Variants in MMS22L observed in about 807,000 individuals in gnomAD.
MMS22L encodes the protein MMS22 like, DNA repair protein.
A neutral mutation model predicts 159.1 loss-of-function variants in MMS22L; 74 were observed. The observed-to-expected ratio is 0.47, with a 90% CI of 0.39 to 0.56. The LOEUF (loss-of-function observed/expected upper bound fraction) is 0.56, where lower values mean the gene tolerates loss of function less well. MMS22L is among the 20% of genes least tolerant of loss of function. MMS22L has a pLI of 0.00. For missense variants in MMS22L, 1,351 were observed against 1,422.1 expected (o/e 0.95, Z 0.80); for synonymous variants, 517 against 506.9 (o/e 1.02, Z -0.27).
At chr6:97,147,906 A>G (rs1449172374) in intron 24 of MMS22L, among the ~76,000 whole-genome samples, 2 of 151,950 alleles carry the variant, frequency 1.3e-5, no homozygotes, top group Non-Finnish European at 2.9e-5. Context: ...TTCAAGAAAG[A>G]TCTCATATAT....
Position 97,267,973 on chromosome 6 carries a change from T to C in MMS22L, c.727A>G (p.Asn243Asp). The change falls in exon 8 of 25, where the codon AAT becomes GAT. Residue 243 changes from asparagine to aspartate, a missense_variant. By Grantham distance (23) the Asn-to-Asp change is conservative. Coordinates refer to ENST00000683635, the MANE Select transcript of MMS22L (RefSeq NM_001350599.2). ...KQVVYGHQFM[N>D]LASDNLTNIS... ...TTGGTTAAATTGTCACTTGCCAGAT[T>C]CATAAACTGATGACCATATACAACT... 6.3e-7 allele frequency: 1 copy of C among 1,598,998 alleles called. No individual in the cohort carries two copies. The highest frequency in any genetic ancestry group is 8.5e-7 in the Non-Finnish European group (1 of 1,173,556).
intron 13 of MMS22L, 79 bp downstream of exon 13, chr6:97,231,347 G>A: frequency 1.9e-6 from 2 of 1,044,972 alleles, no homozygotes; most frequent in South Asian, 2.8e-5. Flanking sequence ...CTAATCCCAA[G>A]TAAACATAAC....
rs150350822 is a variant in MMS22L, at chr6:97,196,665, A to T, written c.2040-9975T>A. 5.9e-5 allele frequency among the ~76,000 whole-genome samples: 9 copies of T among 152,278 alleles called. No individual in the cohort carries two copies. In the East Asian group the frequency reaches 1.7e-3, roughly 29 times the overall value. ...TATTCCTCATGGTTTGTTCCCAGAT[A>T]ATCTAATGCTTATTAAGGATTGCCT... On this transcript the variant is annotated intron_variant, in intron 14 of 24. Coordinates refer to ENST00000683635, the MANE Select transcript of MMS22L (RefSeq NM_001350599.2).
intron 16 of MMS22L, among the ~76,000 whole-genome samples, chr6:97,180,858 A>C (rs1804636624): frequency 6.6e-6 from 1 of 152,212 alleles, no homozygotes; most frequent in Admixed American, 6.5e-5. Context: ...ACTTAATGAT[A>C]CTGCTTATTG....
At chr6:97,282,175 T>G in intron 2 of MMS22L, 139 bp downstream of exon 2, 1 of 807,812 alleles carries the variant, frequency 1.2e-6, no homozygotes, top group Non-Finnish European at 1.9e-6. Context: ...TGATAATCAT[T>G]TGTACCCTTA....
intron 19 of MMS22L, among the ~76,000 whole-genome samples, chr6:97,170,497 A>G (rs1228425593): frequency 6.6e-6 from 1 of 151,730 alleles, no homozygotes; most frequent in Non-Finnish European, 1.5e-5. Context: ...TAAATATATT[A>G]TTTATTAACA....
At chr6:97,242,040 T>C (rs971286274) in intron 11 of MMS22L, among the ~76,000 whole-genome samples, 1 of 152,194 alleles carries the variant, frequency 6.6e-6, no homozygotes, top group African/African-American at 2.4e-5. Context: ...TCTTGGAGAA[T>C]GTTCCATGTG....
At chr6:97,264,803 T>C in intron 8 of MMS22L, 1 of 152,012 alleles carries the variant, frequency 6.6e-6, no homozygotes, top group South Asian at 2.1e-4. Flanking sequence ...AGTATATACC[T>C]ACAAAAATAA....
At chr6:97,243,118 G>C (rs369071300) in intron 11 of MMS22L, among the ~76,000 whole-genome samples, 1 of 152,050 alleles carries the variant, frequency 6.6e-6, no homozygotes, top group African/African-American at 2.4e-5. Flanking sequence ...TGGATGTCTA[G>C]ATCTCTAGCA....
At chr6:97,259,696 C>T (rs1310427111) in intron 9 of MMS22L, 3 of 8,890 alleles carry the variant, frequency 3.4e-4, no homozygotes, top group African/African-American at 4.8e-4. Flanking sequence ...TATAATAAAT[C>T]TTATATATAT....
intron 14 of MMS22L, among the ~76,000 whole-genome samples, chr6:97,208,203 C>A (rs1024598712): frequency 3.3e-5 from 5 of 151,996 alleles, no homozygotes; most frequent in African/African-American, 1.2e-4. Flanking sequence ...ACTCTCCTAC[C>A]TTTATGTATT....
intron 14 of MMS22L, among the ~76,000 whole-genome samples, chr6:97,227,476 T>C (rs1810389669): frequency 2.6e-5 from 4 of 152,154 alleles, no homozygotes; most frequent in Admixed American, 2.6e-4. Flanking sequence ...CATAAAAATT[T>C]CTAATTTTCC....
chr6:97,231,624 G>A lies in MMS22L; in HGVS notation c.1331C>T (p.Pro444Leu). The A allele has an allele frequency of 1.2e-6, 2 of 1,612,332 alleles. No individual in the cohort carries two copies. Among genetic ancestry groups the A allele is most frequent in the South Asian group, 1.1e-5 (1 of 90,930 alleles). The change falls in exon 13 of 25, where the codon CCT becomes CTT. Residue 444 changes from proline (P) to leucine (L), a missense_variant. Pro to Leu is a moderately conservative substitution (Grantham distance 98). Transcript: ENST00000683635. ...CATGGTATTAGCAAGGCCTTTAAAA[G>A]GAAGCCAAGAAATACTGAAGGAACT... ...LNSSFSISWLPFKGLANTMKS... is the reference protein window; with the variant it reads ...LNSSFSISWLLFKGLANTMKS...
chr6:97,275,631 A>T (rs1030784794), intron 4 of MMS22L, among the ~76,000 whole-genome samples: 27 of 152,332 alleles, frequency 1.8e-4, no homozygotes, highest in East Asian at 7.7e-4. Flanking sequence ...AAGACATTTT[A>T]AAAAATCCAT....
intron 11 of MMS22L, among the ~76,000 whole-genome samples, chr6:97,243,046 T>C (rs1049530617): frequency 1.3e-5 from 2 of 152,220 alleles, no homozygotes; most frequent in Non-Finnish European, 2.9e-5. Context: ...CTGATGACTA[T>C]GTGCCTAAGG....
intron 14 of MMS22L, among the ~76,000 whole-genome samples, chr6:97,218,922 G>C (rs1418746369): frequency 6.6e-6 from 1 of 152,198 alleles, no homozygotes; most frequent in Non-Finnish European, 1.5e-5. Context: ...CACATAGCTA[G>C]TGCTACCCTA....
intron 10 of MMS22L, among the ~76,000 whole-genome samples, chr6:97,250,371 T>C (rs1399454034): frequency 1.3e-5 from 2 of 152,190 alleles, no homozygotes; most frequent in Non-Finnish European, 2.9e-5. Context: ...TTCACACTTT[T>C]ATCTGGTTAC....
intron 8 of MMS22L, chr6:97,267,656 A>G (rs1278043760): frequency 6.5e-6 from 2 of 307,884 alleles, no homozygotes; most frequent in African/African-American, 2.2e-5. Context: ...AAAAAAAAAA[A>G]AAAGAAAAAA....
At chr6:97,167,937 G>T in intron 20 of MMS22L, 134 bp downstream of exon 20, 2 of 785,636 alleles carry the variant, frequency 2.5e-6, no homozygotes, top group Non-Finnish European at 3.8e-6. Context: ...TTTAAAATAT[G>T]TTCAATAAAT....
Sources: allele counts gnomAD v4.1 joint callset (sites outside exome capture counted in the v4.1 genomes callset), GRCh38; gene constraint gnomAD v4.1.1; transcripts MANE v1.5; gene names NCBI Gene and HGNC (gene_info 2026-07-23, HGNC 2026-07-21).